The following PBX3 variants were observed in gnomAD, a reference collection of about 807,000 sequenced individuals.
The protein encoded by PBX3 is PBX homeobox 3.
Under a neutral mutation model 48.5 loss-of-function variants are expected in PBX3, and 14 were observed. The ratio of observed to expected loss-of-function variants is 0.29; its 90% CI spans 0.19 to 0.45. The LOEUF is 0.45. Ranked by LOEUF, PBX3 falls within the 20% of genes least tolerant of loss-of-function variation. The pLI is 1.00. For synonymous variants in PBX3, 210 were observed against 200.3 expected, an observed-to-expected ratio of 1.05 and a Z score of -0.41; for missense variants, 386 against 546.7, an observed-to-expected ratio of 0.71 and a Z score of 2.93.
At chr9:125,782,738 A>G (rs1452217471) in intron 2 of PBX3, among the ~76,000 whole-genome samples, 1 of 152,162 alleles carries the variant, frequency 6.6e-6, no homozygotes, top group Non-Finnish European at 1.5e-5. Flanking sequence ...TAGCGTAGGT[A>G]GGTCTACTAA....
chr9:125,912,005 A>G (rs1419678328), intron 2 of PBX3, among the ~76,000 whole-genome samples: 1 of 152,150 alleles, frequency 6.6e-6, no homozygotes, highest in African/African-American at 2.4e-5. Flanking sequence ...TCAGTGCTGG[A>G]TGAACAGAGG....
intron 2 of PBX3, among the ~76,000 whole-genome samples, chr9:125,818,123 C>G (rs575575952): frequency 1.3e-5 from 2 of 151,580 alleles, no homozygotes; most frequent in African/African-American, 2.4e-5. Context: ...AGCTAGAACC[C>G]GGGAGGCGGA....
At chr9:125,958,914 G>A (rs1842367307) in intron 5 of PBX3, among the ~76,000 whole-genome samples, 1 of 152,170 alleles carries the variant, frequency 6.6e-6, no homozygotes, top group South Asian at 2.1e-4. Flanking sequence ...TCTCTCTCAT[G>A]TATCAGGGAA....
chr9:125,836,059 A>G (rs1004127015), intron 2 of PBX3, among the ~76,000 whole-genome samples: 1 of 152,248 alleles, frequency 6.6e-6, no homozygotes, highest in South Asian at 2.1e-4. Context: ...TTGTAACAAC[A>G]TGGATGGAAC....
chr9:125,906,857 T>G (rs929601213), intron 2 of PBX3, among the ~76,000 whole-genome samples: 9 of 152,056 alleles, frequency 5.9e-5, no homozygotes, highest in Non-Finnish European at 1.3e-4. Context: ...GATGCATAGC[T>G]TTGGTGAAAA....
At chr9:125,941,148 C>T (rs1841951270) in intron 5 of PBX3, among the ~76,000 whole-genome samples, 1 of 152,084 alleles carries the variant, frequency 6.6e-6, no homozygotes, top group African/African-American at 2.4e-5. Flanking sequence ...AAAGCCCCTC[C>T]TGAGGAAGTA....
intron 2 of PBX3, among the ~76,000 whole-genome samples, chr9:125,793,364 A>ATATATATATATATATATATATATAT (rs1263966407): frequency 2.7e-4 from 16 of 59,090 alleles, no homozygotes; most frequent in African/African-American, 6.5e-4. Context: ...GGGGAAAAAA[A>ATATATATATATATATATATATATAT]AAATATATAT....
At chr9:125,749,611 C>A (rs1836312485) in intron 2 of PBX3, 1 of 138,662 alleles carries the variant, frequency 7.2e-6, no homozygotes, top group Non-Finnish European at 1.5e-5. Flanking sequence ...TTTAAAGTTG[C>A]CATTTTGAAA....
At chr9:125,909,864 G>T (rs1278605615) in intron 2 of PBX3, among the ~76,000 whole-genome samples, 1 of 152,058 alleles carries the variant, frequency 6.6e-6, no homozygotes, top group Non-Finnish European at 1.5e-5. Context: ...GCTTTCCATC[G>T]AACCCCTAAT....
chr9:125,876,659 G>T (rs1840256366), intron 2 of PBX3, among the ~76,000 whole-genome samples: 1 of 152,118 alleles, frequency 6.6e-6, no homozygotes, highest in Admixed American at 6.5e-5. Flanking sequence ...GCTATTAGAA[G>T]TAAAGTTTTT....
At chr9:125,809,429 T>C (rs1838223390) in intron 2 of PBX3, among the ~76,000 whole-genome samples, 1 of 135,522 alleles carries the variant, frequency 7.4e-6, no homozygotes, top group South Asian at 2.3e-4. Flanking sequence ...TCAATGCTGA[T>C]TTTTTTTTTT....
chr9:125,802,872 T>G (rs756788480), intron 2 of PBX3, among the ~76,000 whole-genome samples: 1 of 151,950 alleles, frequency 6.6e-6, no homozygotes, highest in Non-Finnish European at 1.5e-5. Flanking sequence ...AGAGACAAGG[T>G]TTCCCCATAT....
intron 2 of PBX3, among the ~76,000 whole-genome samples, chr9:125,819,695 A>G (rs779838101): frequency 6.6e-6 from 1 of 152,132 alleles, no homozygotes; most frequent in Non-Finnish European, 1.5e-5. Context: ...TTCAGTGTAC[A>G]TATATATCCA....
chr9:125,843,577 C>G (rs895778877), intron 2 of PBX3: 1 of 223,834 alleles, frequency 4.5e-6, no homozygotes, highest in African/African-American at 2.3e-5. Flanking sequence ...TAATAAAAGA[C>G]GGAATGCCTT....
intron 2 of PBX3, among the ~76,000 whole-genome samples, chr9:125,749,862 C>G (rs553359415): frequency 2.9e-4 from 44 of 152,142 alleles, no homozygotes; most frequent in Non-Finnish European, 3.8e-4. Flanking sequence ...AATATATATG[C>G]TAAACCATAA....
chr9:125,816,802 A>T (rs1457802687), intron 2 of PBX3, among the ~76,000 whole-genome samples: 1 of 152,174 alleles, frequency 6.6e-6, no homozygotes, highest in Non-Finnish European at 1.5e-5. Context: ...ATTGCTTGGC[A>T]GTTTCATGGT....
chr9:125,947,022 G>A (rs1028870256), intron 5 of PBX3, among the ~76,000 whole-genome samples: 2 of 152,142 alleles, frequency 1.3e-5, no homozygotes, highest in African/African-American at 4.8e-5. Context: ...ATACAATGGA[G>A]TGATATCTTT....
At chr9:125,887,808 C>G (rs1203813715) in intron 2 of PBX3, among the ~76,000 whole-genome samples, 2 of 152,082 alleles carry the variant, frequency 1.3e-5, no homozygotes, top group African/African-American at 4.8e-5. Context: ...AAATTTATCT[C>G]ATGTTTATCA....
intron 5 of PBX3, among the ~76,000 whole-genome samples, chr9:125,937,772 C>T (rs1487479487): frequency 6.6e-6 from 1 of 152,132 alleles, no homozygotes. Flanking sequence ...AAGCAATCCT[C>T]CTGCCTCAGC....
Sources: allele counts gnomAD v4.1 joint callset (sites outside exome capture counted in the v4.1 genomes callset), GRCh38; gene constraint gnomAD v4.1.1; transcripts MANE v1.5; gene names NCBI Gene and HGNC (gene_info 2026-07-23, HGNC 2026-07-21).